The following NHS variants were observed in gnomAD, a reference collection of about 807,000 sequenced individuals.
NHS encodes NHS actin remodeling regulator, also known as actin remodeling regulator NHS.
Under a neutral mutation model 72.5 loss-of-function variants are expected in NHS, and 5 were observed. That is an observed-to-expected ratio of 0.07 (90% CI 0.04 to 0.14). The LOEUF (loss-of-function observed/expected upper bound fraction) is 0.14. Ranked by LOEUF, NHS falls within the 10% of genes least tolerant of loss-of-function variation. The probability of loss-of-function intolerance (pLI) is 1.00; values close to 1 mark genes in which losing one functional copy is unlikely to be tolerated. For missense variants in NHS, 1,072 were observed against 1,355.7 expected, an observed-to-expected ratio of 0.79 and a Z score of 3.29; for synonymous variants, 464 against 547.7, an observed-to-expected ratio of 0.85 and a Z score of 2.13.
At chrX:17,386,045 C>T (rs1303088119) in intron 1 of NHS, among the ~76,000 whole-genome samples, 1 of 111,689 alleles carries the variant, frequency 9.0e-6, no homozygotes, top group Non-Finnish European at 1.9e-5. Flanking sequence ...CACCCCTGCC[C>T]CAACTGTATT....
chrX:17,476,013 G>A (rs116551633), intron 1 of NHS, among the ~76,000 whole-genome samples: 1,220 of 111,643 alleles, frequency 0.011, 11 homozygotes, highest in African/African-American at 0.037. Context: ...TGATTTATCC[G>A]CCAGAGGAAT....
chrX:17,578,353 A>G (rs1461443055), intron 1 of NHS, among the ~76,000 whole-genome samples: 2 of 112,483 alleles, frequency 1.8e-5, no homozygotes, highest in African/African-American at 6.5e-5. Flanking sequence ...TCAAGGTTAC[A>G]TGTGGGTAGA....
intron 3 of NHS, among the ~76,000 whole-genome samples, chrX:17,718,939 AGGAAGGAAGAAGGAG>A (rs1286019023): frequency 1.1e-5 from 1 of 93,948 alleles, no homozygotes; most frequent in Non-Finnish European, 2.1e-5. Flanking sequence ...GGAAAGAGGA[AGGAAGGAAGAAGGAG>A]GGAAGGAAGG....
intron 1 of NHS, among the ~76,000 whole-genome samples, chrX:17,470,465 C>G (rs1231048172): frequency 8.9e-6 from 1 of 111,777 alleles, no homozygotes; most frequent in Non-Finnish European, 1.9e-5. Flanking sequence ...CTGACTCCCC[C>G]ACTTAAGTTC....
intron 1 of NHS, among the ~76,000 whole-genome samples, chrX:17,564,280 C>A (rs763331235): frequency 1.3e-4 from 14 of 111,780 alleles, no homozygotes; most frequent in African/African-American, 3.6e-4. Flanking sequence ...GTTATTGGGA[C>A]TGTCCTTTGC....
chrX:17,558,378 A>G (rs778185575), intron 1 of NHS, among the ~76,000 whole-genome samples: 3 of 112,376 alleles, frequency 2.7e-5, no homozygotes, highest in Non-Finnish European at 5.6e-5. Context: ...AGATGTCAGT[A>G]TCATATCAAA....
At chrX:17,660,919 CAGG>C (rs2065979402) in intron 1 of NHS, among the ~76,000 whole-genome samples, 1 of 112,519 alleles carries the variant, frequency 8.9e-6, no homozygotes, top group Non-Finnish European at 1.9e-5. Flanking sequence ...CCAAAGATCT[CAGG>C]AGGAGTTGAT....
chrX:17,673,270 C>T (rs1311751987), intron 1 of NHS, among the ~76,000 whole-genome samples: 1 of 107,791 alleles, frequency 9.3e-6, no homozygotes, highest in Non-Finnish European at 1.9e-5. Flanking sequence ...GACTAAGACA[C>T]TTCCCTTTAC....
Position 17,732,693 on chromosome X carries a change from C to T in NHS, c.*229C>T, listed in dbSNP as rs2066497081. 1 of 440,535 alleles carries T rather than the reference C, an allele frequency of 2.3e-6. No homozygotes were observed. Among genetic ancestry groups the T allele is most frequent in the Admixed American group, 4.0e-5 (1 of 25,306 alleles). 36.3% of individuals were successfully genotyped at this position (440,535 alleles called of 1,213,427 possible). A position where few individuals can be genotyped will look rare whatever the true frequency, so the allele number is the denominator to read the frequency against. On this transcript the variant is annotated 3_prime_UTR_variant, in exon 9 of 9. Transcript: ENST00000676302. ...TGCAGTCTTTCATGTTTTTCTTTAG[C>T]ATAGTTTGATTTACGCAATCTCCTT... is the stretch of plus-strand genomic sequence containing the variant.
intron 1 of NHS, among the ~76,000 whole-genome samples, chrX:17,565,565 G>A (rs1411364644): frequency 8.9e-6 from 1 of 112,168 alleles, no homozygotes; most frequent in Non-Finnish European, 1.9e-5. Context: ...GCTGCTGGAT[G>A]GTGGCTAGCA....
At chrX:17,687,037 C>G (rs964223564) in intron 1 of NHS, 11 of 112,530 alleles carry the variant, frequency 9.8e-5, no homozygotes, top group African/African-American at 3.6e-4. Flanking sequence ...AGCCTTCCTT[C>G]CTTGATCTCT....
intron 1 of NHS, among the ~76,000 whole-genome samples, chrX:17,483,776 C>G (rs930128467): frequency 7.2e-5 from 8 of 110,667 alleles, no homozygotes; most frequent in Middle Eastern, 4.6e-3. Context: ...ATGCCTTGAA[C>G]TCCTGAGCCA....
At chrX:17,707,412 C>G (rs754722734) in intron 3 of NHS, among the ~76,000 whole-genome samples, 9 of 111,986 alleles carry the variant, frequency 8.0e-5, no homozygotes, top group Non-Finnish European at 1.3e-4. Context: ...CATTTCACAG[C>G]CTGATAATCC....
intron 1 of NHS, among the ~76,000 whole-genome samples, chrX:17,470,359 G>A (rs867626122): frequency 5.4e-5 from 6 of 111,343 alleles, no homozygotes; most frequent in Non-Finnish European, 9.4e-5. Flanking sequence ...AGCCATTATG[G>A]TGACAGTGGT....
intron 1 of NHS, among the ~76,000 whole-genome samples, chrX:17,629,593 A>T (rs951526392): frequency 9.0e-6 from 1 of 111,557 alleles, no homozygotes; most frequent in Non-Finnish European, 1.9e-5. Context: ...GCTTCAATGG[A>T]CACTGGCATC....
intron 1 of NHS, among the ~76,000 whole-genome samples, chrX:17,398,721 G>A (rs2064488197): frequency 1.8e-5 from 2 of 111,664 alleles, no homozygotes; most frequent in African/African-American, 6.5e-5. Flanking sequence ...AGAGTAATTG[G>A]GTTACTGAGT....
Position 17,536,439 on chromosome X carries a change from C to G in NHS, c.566-151303C>G, listed in dbSNP as rs939815680. On this transcript the variant is annotated intron_variant, in intron 1 of 8. Coordinates refer to ENST00000676302, the MANE Select transcript of NHS (RefSeq NM_001291867.2). ...TGTGTTCCAAAAGCACTGGCTCTTT[C>G]TTACAGCCAGCTCATCCCTGGGCAA... 7.1e-5 allele frequency among the ~76,000 whole-genome samples: 8 copies of G among 112,869 alleles called. No homozygotes were observed. In the Admixed American group the frequency reaches 7.4e-4, roughly 11 times the overall value.
chrX:17,637,398 G>A (rs767329112), intron 1 of NHS, among the ~76,000 whole-genome samples: 1 of 111,332 alleles, frequency 9.0e-6, no homozygotes, highest in Non-Finnish European at 1.9e-5. Flanking sequence ...ACTGGGCGGG[G>A]GTGGTGGTGG....
intron 1 of NHS, among the ~76,000 whole-genome samples, chrX:17,513,715 G>C (rs1272203588): frequency 8.9e-6 from 1 of 112,233 alleles, no homozygotes; most frequent in Non-Finnish European, 1.9e-5. Flanking sequence ...ACCACAAGGG[G>C]ACATTTGACA....
Sources: gnomAD v4.1 joint callset for allele counts (sites outside exome capture counted in the v4.1 genomes callset) on GRCh38, gnomAD v4.1.1 for gene constraint, MANE v1.5 for transcripts, NCBI Gene and HGNC (gene_info 2026-07-23, HGNC 2026-07-21) for gene names.